Variants in PARD3B observed in about 807,000 individuals in gnomAD.
PARD3B encodes the protein partitioning defective 3 homolog B.
In PARD3B, 103 loss-of-function variants were observed where a neutral mutation model predicts 130.2. The observed-to-expected ratio is 0.79, with a 90% CI of 0.67 to 0.93. PARD3B has a LOEUF of 0.93. PARD3B is among the 40% of genes least tolerant of loss of function. PARD3B has a pLI of 0.00. For missense variants in PARD3B, 1,609 were observed against 1,499.2 expected, an observed-to-expected ratio of 1.07 and a Z score of -1.21; for synonymous variants, 583 against 553.2, an observed-to-expected ratio of 1.05 and a Z score of -0.76.
intron 3 of PARD3B, among the ~76,000 whole-genome samples, chr2:205,036,872 CAT>C (rs1039263727): frequency 6.7e-6 from 1 of 150,222 alleles, no homozygotes; most frequent in Non-Finnish European, 1.5e-5. Flanking sequence ...ATGTAAAGAA[CAT>C]ATGTAGCGGA....
At chr2:204,760,229 G>T (rs572925041) in intron 2 of PARD3B, among the ~76,000 whole-genome samples, 7 of 152,172 alleles carry the variant, frequency 4.6e-5, no homozygotes, top group African/African-American at 1.2e-4. Context: ...CAAAGAGGAA[G>T]AATACATGAA....
chr2:205,203,016 T>C (rs1394073344), intron 15 of PARD3B, among the ~76,000 whole-genome samples: 3 of 152,160 alleles, frequency 2.0e-5, no homozygotes, highest in African/African-American at 4.8e-5. Context: ...AGTTTTTCAC[T>C]GAGTGTATTT....
At position 205,407,104 on chromosome 2, in the gene PARD3B, A is replaced by C. The variant is rs1410908410; in HGVS notation, c.2741+5981A>C. On this transcript the variant is annotated intron_variant, in intron 19 of 22. Coordinates refer to ENST00000406610, the MANE Select transcript of PARD3B (RefSeq NM_001302769.2). This position sits in a 1 kb window ranked among gnomAD's most constrained non-coding sequence, Gnocchi z 4.1. The stretch of plus-strand genomic sequence containing the variant: ...TACTTTTCTAGAGCAATAATTATTG[A>C]ACTTGTCATGGCATTGGTTTATGGT... Among the ~76,000 whole-genome samples, 2 of 152,296 alleles carry C rather than the reference A, an allele frequency of 1.3e-5. No homozygotes were observed. The highest frequency in any genetic ancestry group is 4.8e-5 in the African/African-American group (2 of 41,560).
At chr2:205,478,034 C>A (rs551824899) in intron 20 of PARD3B, among the ~76,000 whole-genome samples, 10 of 152,204 alleles carry the variant, frequency 6.6e-5, no homozygotes, top group Non-Finnish European at 1.2e-4. Flanking sequence ...GGGGAAGCCC[C>A]ACTCCACTTC....
intron 2 of PARD3B, among the ~76,000 whole-genome samples, chr2:204,834,085 T>A (rs945966089): frequency 3.9e-5 from 6 of 152,238 alleles, no homozygotes; most frequent in Non-Finnish European, 5.9e-5. Flanking sequence ...GCAATATTTT[T>A]TTTTTAGGAA....
intron 10 of PARD3B, among the ~76,000 whole-genome samples, chr2:205,155,222 G>A (rs1363909058): frequency 2.0e-5 from 3 of 152,138 alleles, no homozygotes; most frequent in Non-Finnish European, 2.9e-5. Flanking sequence ...CCTTTTAGGA[G>A]GGACAGTTTC....
rs187577877 is a variant in PARD3B, at chr2:205,568,955, G to T, written c.3260+15552G>T. On this transcript the variant is annotated intron_variant, in intron 22 of 22. Transcript: ENST00000406610. This position sits in a 1 kb window ranked among gnomAD's most constrained non-coding sequence, Gnocchi z 5.3. ...CCTAGCATGTAATTACCAGGTCAAAGAATGTGAATATTTTTAAAGTTTCTG... is the reference window on the plus strand; with the variant it reads ...CCTAGCATGTAATTACCAGGTCAAATAATGTGAATATTTTTAAAGTTTCTG... Among the ~76,000 whole-genome samples, 207 of 152,258 alleles carry T rather than the reference G, an allele frequency of 1.4e-3. No homozygotes were observed. Among genetic ancestry groups the T allele is most frequent in the African/African-American group, 4.8e-3 (199 of 41,536 alleles).
At chr2:205,027,711 T>C (rs1056973768) in intron 3 of PARD3B, among the ~76,000 whole-genome samples, 1 of 152,162 alleles carries the variant, frequency 6.6e-6, no homozygotes, top group East Asian at 1.9e-4. Context: ...TACATTTAAG[T>C]CGTTAGTCTT....
At chr2:205,145,464 C>G (rs1026283273) in intron 10 of PARD3B, among the ~76,000 whole-genome samples, 1 of 152,220 alleles carries the variant, frequency 6.6e-6, no homozygotes, top group African/African-American at 2.4e-5. Flanking sequence ...CAGCATGAGG[C>G]AGTACTCCAC....
intron 22 of PARD3B, among the ~76,000 whole-genome samples, chr2:205,610,869 C>G (rs1351858595): frequency 6.6e-6 from 1 of 152,174 alleles, no homozygotes; most frequent in Non-Finnish European, 1.5e-5. Flanking sequence ...CTCTTTTCCC[C>G]TACCTTCCTC....
intron 2 of PARD3B, among the ~76,000 whole-genome samples, chr2:204,778,153 A>G (rs2041705764): frequency 6.6e-6 from 1 of 152,004 alleles, no homozygotes; most frequent in Admixed American, 6.6e-5. Flanking sequence ...TATCAAAAAA[A>G]AAAAAAAAAA....
chr2:205,302,107 C>T (rs1454576657), intron 18 of PARD3B, among the ~76,000 whole-genome samples: 28 of 105,882 alleles, frequency 2.6e-4, no homozygotes, highest in African/African-American at 8.9e-4. Context: ...CGCGCTTTGT[C>T]GCCCAGGCTG....
intron 4 of PARD3B, among the ~76,000 whole-genome samples, chr2:205,054,601 G>A (rs1264509743): frequency 1.3e-5 from 2 of 150,038 alleles, no homozygotes; most frequent in African/African-American, 4.9e-5. Flanking sequence ...TCCCTTCCCC[G>A]CACCCCACAA....
chr2:205,327,509 C>T (rs1189000174), intron 18 of PARD3B, among the ~76,000 whole-genome samples: 1 of 152,214 alleles, frequency 6.6e-6, no homozygotes, highest in African/African-American at 2.4e-5. Context: ...TTATTATACA[C>T]ATTTGACAGA....
At chr2:205,178,143 TAAAAAAAAAAAAAAAAAA>T (rs58267787) in intron 13 of PARD3B, among the ~76,000 whole-genome samples, 22 of 20,790 alleles carry the variant, frequency 1.1e-3, no homozygotes, top group South Asian at 6.5e-3. Context: ...CCATCTGTAC[TAAAAAAAAAAAAAAAAAA>T]AAAAAAAAAA....
At chr2:205,299,287 A>G (rs1423733910) in intron 16 of PARD3B, among the ~76,000 whole-genome samples, 1 of 152,196 alleles carries the variant, frequency 6.6e-6, no homozygotes, top group Non-Finnish European at 1.5e-5. Context: ...TAGTGATGAT[A>G]GTAATAAAAG....
intron 5 of PARD3B, among the ~76,000 whole-genome samples, chr2:205,112,922 T>A (rs993863996): frequency 2.0e-5 from 3 of 152,230 alleles, no homozygotes; most frequent in African/African-American, 7.2e-5. Context: ...ATAGAACTGA[T>A]GCCCTATTGA....
At chr2:204,716,191 A>T (rs1312582496) in intron 2 of PARD3B, among the ~76,000 whole-genome samples, 1 of 152,148 alleles carries the variant, frequency 6.6e-6, no homozygotes, top group African/African-American at 2.4e-5. Context: ...AGATAGTAAT[A>T]GTCTCCAGTC....
intron 4 of PARD3B, among the ~76,000 whole-genome samples, chr2:205,093,185 C>G (rs1048321867): frequency 6.6e-6 from 1 of 152,108 alleles, no homozygotes; most frequent in African/African-American, 2.4e-5. Flanking sequence ...GCATAATACT[C>G]CAGACGTCAT....
Sources: gnomAD v4.1 joint callset for allele counts (sites outside exome capture counted in the v4.1 genomes callset) on GRCh38, gnomAD v4.1.1 for gene constraint, Gnocchi (gnomAD v3.1) non-coding constraint, MANE v1.5 for transcripts, NCBI Gene and HGNC (gene_info 2026-07-23, HGNC 2026-07-21) for gene names.